The following SUCLG2 variants were observed in gnomAD, a reference collection of about 807,000 sequenced individuals.
The protein encoded by SUCLG2 is succinate-CoA ligase GDP-forming subunit beta.
SUCLG2 carries 42 observed loss-of-function variants against 47.9 expected under a neutral mutation model. The ratio of observed to expected loss-of-function variants is 0.88; its 90% CI spans 0.69 to 1.14. The LOEUF (loss-of-function observed/expected upper bound fraction) is 1.14. SUCLG2 is among the 50% of genes most tolerant of loss of function. SUCLG2 has a pLI of 0.00. For missense variants in SUCLG2, 571 were observed against 525.9 expected (o/e 1.09, Z -0.84); for synonymous variants, 195 against 197.3 (o/e 0.99, Z 0.10).
At chr3:67,497,058 C>A (rs1482017314) in intron 8 of SUCLG2, among the ~76,000 whole-genome samples, 1 of 152,134 alleles carries the variant, frequency 6.6e-6, no homozygotes, top group African/African-American at 2.4e-5. Context: ...AACCCATATA[C>A]CTTTCCCCTT....
intron 1 of SUCLG2, among the ~76,000 whole-genome samples, chr3:67,609,845 G>A (rs1238059747): frequency 2.0e-5 from 3 of 152,162 alleles, no homozygotes; most frequent in African/African-American, 7.2e-5. Flanking sequence ...AGTGAGCTCT[G>A]TGATCTAGTT....
chr3:67,417,064 G>A (rs1212318114), intron 9 of SUCLG2, among the ~76,000 whole-genome samples: 1 of 151,882 alleles, frequency 6.6e-6, no homozygotes, highest in Non-Finnish European at 1.5e-5. Context: ...AAGCTTCAGA[G>A]GATAAGAAAG....
chr3:67,454,572 T>C (rs562864411), intron 9 of SUCLG2, among the ~76,000 whole-genome samples: 9 of 152,208 alleles, frequency 5.9e-5, no homozygotes, highest in Non-Finnish European at 1.3e-4. Context: ...GATGGATAGT[T>C]GTTGAAGCAT....
intron 9 of SUCLG2, among the ~76,000 whole-genome samples, chr3:67,448,126 T>A (rs1007444508): frequency 1.3e-5 from 2 of 152,120 alleles, no homozygotes; most frequent in African/African-American, 4.8e-5. Flanking sequence ...CAAAAGTTCA[T>A]AAGGATATAT....
chr3:67,489,818 T>A (rs4640580), intron 9 of SUCLG2, among the ~76,000 whole-genome samples: 3 of 152,294 alleles, frequency 2.0e-5, no homozygotes, highest in East Asian at 3.9e-4. Context: ...TCATAAGTGA[T>A]CTTAACTCTG....
intron 9 of SUCLG2, among the ~76,000 whole-genome samples, chr3:67,490,632 C>T (rs2107043866): frequency 6.6e-6 from 1 of 152,276 alleles, no homozygotes; most frequent in African/African-American, 2.4e-5. Context: ...CTGAGATGTG[C>T]ATTTATTCTA....
At chr3:67,470,339 T>C (rs1385936384) in intron 9 of SUCLG2, among the ~76,000 whole-genome samples, 1 of 152,234 alleles carries the variant, frequency 6.6e-6, no homozygotes, top group African/African-American at 2.4e-5. Context: ...CCTCTGCTTA[T>C]TTCTCTCGTA....
chr3:67,367,996 T>A (rs1312036524), intron 10 of SUCLG2, among the ~76,000 whole-genome samples: 1 of 152,212 alleles, frequency 6.6e-6, no homozygotes, highest in Non-Finnish European at 1.5e-5. Context: ...TCCTCATTTT[T>A]AAAATGGCTA....
chr3:67,610,952 C>T (rs1336792099), intron 1 of SUCLG2, among the ~76,000 whole-genome samples: 2 of 152,168 alleles, frequency 1.3e-5, no homozygotes, highest in African/African-American at 4.8e-5. Flanking sequence ...GTGCCTTAAA[C>T]TTCTCTGTAT....
At chr3:67,517,945 G>A (rs1030474205) in intron 6 of SUCLG2, among the ~76,000 whole-genome samples, 2 of 152,084 alleles carry the variant, frequency 1.3e-5, no homozygotes, top group Admixed American at 1.3e-4. Flanking sequence ...ATGCCTGCCA[G>A]GTGGCTAAGT....
At chr3:67,412,254 T>A (rs1294354357) in intron 9 of SUCLG2, among the ~76,000 whole-genome samples, 1 of 152,204 alleles carries the variant, frequency 6.6e-6, no homozygotes, top group Non-Finnish European at 1.5e-5. Context: ...AAATGCTTTC[T>A]ACCTCAAAGT....
chr3:67,488,305 A>G (rs1381266051), intron 9 of SUCLG2, among the ~76,000 whole-genome samples: 1 of 152,138 alleles, frequency 6.6e-6, no homozygotes, highest in African/African-American at 2.4e-5. Flanking sequence ...CCATATGGAC[A>G]TGTTGCTCGT....
chr3:67,623,761 C>G (rs1166987067), intron 1 of SUCLG2, among the ~76,000 whole-genome samples: 1 of 152,220 alleles, frequency 6.6e-6, no homozygotes, highest in Admixed American at 6.5e-5. Flanking sequence ...TTTTCAAGAT[C>G]TCTACCTCAA....
At chr3:67,396,724 G>C (rs939846671) in intron 10 of SUCLG2, among the ~76,000 whole-genome samples, 6 of 152,128 alleles carry the variant, frequency 3.9e-5, no homozygotes, top group Non-Finnish European at 7.3e-5. Flanking sequence ...AACCAAAAAA[G>C]AGAATTTTAG....
At chr3:67,569,001 T>C (rs1158172992) in intron 2 of SUCLG2, among the ~76,000 whole-genome samples, 3 of 152,356 alleles carry the variant, frequency 2.0e-5, no homozygotes, top group Non-Finnish European at 2.9e-5. Flanking sequence ...AAGATTGTTA[T>C]AGTTGAAACT....
chr3:67,576,182 A>G (rs1707737257), intron 2 of SUCLG2, among the ~76,000 whole-genome samples: 1 of 152,248 alleles, frequency 6.6e-6, no homozygotes, highest in South Asian at 2.1e-4. Flanking sequence ...ACTCCAATCA[A>G]CAGAGTAGCA....
intron 2 of SUCLG2, among the ~76,000 whole-genome samples, chr3:67,542,404 A>G (rs986696268): frequency 6.6e-6 from 1 of 152,198 alleles, no homozygotes; most frequent in African/African-American, 2.4e-5. Flanking sequence ...CATCAACACT[A>G]TGAAGAAACT....
chr3:67,593,807 G>C (rs1196970315), intron 2 of SUCLG2, among the ~76,000 whole-genome samples: 1 of 152,196 alleles, frequency 6.6e-6, no homozygotes, highest in East Asian at 1.9e-4. Context: ...TTATAAGATA[G>C]ATAAGATCAG....
At position 67,386,520 on chromosome 3, in the gene SUCLG2, T is replaced by C. The variant is rs114676055; in HGVS notation, c.1184-10661A>G. 5.0e-3 allele frequency among the ~76,000 whole-genome samples: 766 copies of C among 152,312 alleles called. 3 individuals are homozygous for C. Among genetic ancestry groups the C allele is most frequent in the African/African-American group, 0.018 (730 of 41,576 alleles). On this transcript the variant is annotated intron_variant, in intron 10 of 10. Coordinates refer to ENST00000307227, the MANE Select transcript of SUCLG2 (RefSeq NM_003848.4). The stretch of plus-strand genomic sequence containing the variant: ...TAATTGATAAAGGAAAGGGGTTTAA[T>C]TGACTCAAAGTTCCACATGGCTGAG...
Sources: allele counts gnomAD v4.1 joint callset (sites outside exome capture counted in the v4.1 genomes callset), GRCh38; gene constraint gnomAD v4.1.1; transcripts MANE v1.5; gene names NCBI Gene and HGNC (gene_info 2026-07-23, HGNC 2026-07-21).